PDE10A: variants seen among roughly 807,000 people sequenced by gnomAD.
PDE10A encodes the protein cAMP and cAMP-inhibited cGMP 3',5'-cyclic phosphodiesterase 10A.
A neutral mutation model predicts 97.7 loss-of-function variants in PDE10A; 39 were observed. The observed-to-expected ratio is 0.40, with a 90% CI of 0.31 to 0.52. The LOEUF (loss-of-function observed/expected upper bound fraction) is 0.52. Among genes scored for constraint, PDE10A ranks in the 20% least tolerant of loss-of-function variants. The pLI, the probability that PDE10A is intolerant of heterozygous loss-of-function variation, is 0.56. For synonymous variants in PDE10A, 371 were observed against 376.8 expected (o/e 0.98, Z 0.18); for missense variants, 731 against 1,047.8 (o/e 0.70, Z 4.17).
chr6:165,688,181 A>G (rs1791174289), intron 1 of PDE10A, among the ~76,000 whole-genome samples: 1 of 152,176 alleles, frequency 6.6e-6, no homozygotes, highest in Non-Finnish European at 1.5e-5. Context: ...CTCCTCCTAT[A>G]ATGATACAGT....
intron 1 of PDE10A, among the ~76,000 whole-genome samples, chr6:165,951,497 G>A (rs971615354): frequency 2.6e-5 from 4 of 152,118 alleles, no homozygotes; most frequent in South Asian, 2.1e-4. Context: ...CCTACCAACC[G>A]TCAATTGCCC....
At chr6:165,339,162 A>G (rs1320538870) in intron 20 of PDE10A, 116 bp downstream of exon 20, 3 of 761,228 alleles carry the variant, frequency 3.9e-6, no homozygotes, top group Non-Finnish European at 7.2e-6. Context: ...ATCTGCCTGG[A>G]ATAACCCATT....
chr6:165,855,702 G>T (rs911642686), intron 1 of PDE10A, among the ~76,000 whole-genome samples: 2 of 151,984 alleles, frequency 1.3e-5, no homozygotes, highest in Non-Finnish European at 2.9e-5. Context: ...TTAAGTGGTG[G>T]CCATGAACAC....
chr6:165,526,125 G>A (rs947327668), intron 2 of PDE10A, among the ~76,000 whole-genome samples: 16 of 152,190 alleles, frequency 1.1e-4, no homozygotes, highest in Middle Eastern at 3.4e-3. Flanking sequence ...GGAGACCTCC[G>A]GCCTTTTACC....
intron 1 of PDE10A, among the ~76,000 whole-genome samples, chr6:165,915,700 T>A (rs1782587514): frequency 6.6e-6 from 1 of 152,212 alleles, no homozygotes; most frequent in South Asian, 2.1e-4. Flanking sequence ...GGCCGTGTCA[T>A]TTGACCTTGG....
At position 165,586,386 on chromosome 6, in the gene PDE10A, C is replaced by A. The variant is rs535788625; in HGVS notation, c.866-42818G>T. Among the ~76,000 whole-genome samples, 30 of 152,272 alleles carry A rather than the reference C, an allele frequency of 2.0e-4. 2 individuals carry two copies. The South Asian group carries it at 6.0e-3, about 31-fold the overall frequency. On this transcript the variant is annotated intron_variant, in intron 1 of 21. Transcript: ENST00000539869. ...TTAAAATTGAATTCTTATTCAGACA[C>A]CAATAGTTAAGATGTCCTCCCTCCC... is the stretch of plus-strand genomic sequence containing the variant.
intron 1 of PDE10A, among the ~76,000 whole-genome samples, chr6:165,958,500 A>T (rs1360861895): frequency 1.5e-4 from 1 of 6,664 alleles, no homozygotes; most frequent in East Asian, 0.014. Context: ...GAGAAAGACA[A>T]GAAAGAAAGA....
At chr6:165,375,509 A>G (rs982040452) in intron 18 of PDE10A, among the ~76,000 whole-genome samples, 1 of 152,238 alleles carries the variant, frequency 6.6e-6, no homozygotes, top group African/African-American at 2.4e-5. Context: ...AGAGGTTTAA[A>G]GCAAGGTAAA....
chr6:165,387,770 T>C (rs1398513026), intron 17 of PDE10A, among the ~76,000 whole-genome samples: 7 of 152,200 alleles, frequency 4.6e-5, no homozygotes, highest in Admixed American at 2.6e-4. Context: ...CTTGATAAGA[T>C]GAGTTTGAGA....
intron 2 of PDE10A, among the ~76,000 whole-genome samples, chr6:165,516,793 A>T (rs1248177082): frequency 1.3e-5 from 2 of 152,172 alleles, no homozygotes; most frequent in Non-Finnish European, 2.9e-5. Context: ...TACATACATA[A>T]TTACTCCCTT....
chr6:165,679,528 C>T (rs1444009885), intron 1 of PDE10A, among the ~76,000 whole-genome samples: 1 of 152,200 alleles, frequency 6.6e-6, no homozygotes, highest in Non-Finnish European at 1.5e-5. Context: ...GACAGGCCTC[C>T]TGGAGAGGCT....
intron 1 of PDE10A, among the ~76,000 whole-genome samples, chr6:165,834,245 G>A (rs1027609843): frequency 6.6e-6 from 1 of 152,210 alleles, no homozygotes; most frequent in African/African-American, 2.4e-5. Flanking sequence ...AATGCAGTGG[G>A]ACTCACCAGA....
intron 1 of PDE10A, among the ~76,000 whole-genome samples, chr6:165,690,731 G>T (rs1791248732): frequency 6.6e-6 from 1 of 152,216 alleles, no homozygotes; most frequent in South Asian, 2.1e-4. Flanking sequence ...CTCTTACCAG[G>T]TGCTTCTGTT....
intron 1 of PDE10A, among the ~76,000 whole-genome samples, chr6:165,728,458 AAT>A (rs1379526258): frequency 2.6e-5 from 4 of 152,222 alleles, no homozygotes; most frequent in African/African-American, 9.6e-5. Flanking sequence ...TGCCAGAAAT[AAT>A]ACACATTTTG....
At chr6:165,425,909 A>G (rs1789116129) in intron 10 of PDE10A, among the ~76,000 whole-genome samples, 1 of 151,984 alleles carries the variant, frequency 6.6e-6, no homozygotes, top group African/African-American at 2.4e-5. Context: ...GTTTCTACAC[A>G]TTTGCAGTAT....
chr6:165,475,953 TC>T (rs1429287911), intron 3 of PDE10A, among the ~76,000 whole-genome samples: 3 of 152,104 alleles, frequency 2.0e-5, no homozygotes, highest in Admixed American at 2.0e-4. Context: ...TCCTCGGGGT[TC>T]CCCTCAGTCA....
At chr6:165,763,054 G>A (rs988125059) in intron 1 of PDE10A, among the ~76,000 whole-genome samples, 3 of 152,258 alleles carry the variant, frequency 2.0e-5, no homozygotes, top group Non-Finnish European at 2.9e-5. Flanking sequence ...GGGCAGAATT[G>A]TGTGATTCAC....
intron 1 of PDE10A, among the ~76,000 whole-genome samples, chr6:165,574,604 T>C (rs552941228): frequency 6.6e-6 from 1 of 152,354 alleles, no homozygotes; most frequent in African/African-American, 2.4e-5. Flanking sequence ...ACTTGCTACT[T>C]GAAAACTAAT....
intron 3 of PDE10A, among the ~76,000 whole-genome samples, chr6:165,453,500 A>G (rs1777760639): frequency 6.6e-6 from 1 of 152,216 alleles, no homozygotes; most frequent in East Asian, 1.9e-4. Context: ...CCTTGAGGGC[A>G]AGGTTTCCAG....
Sources: gnomAD v4.1 joint callset for allele counts (sites outside exome capture counted in the v4.1 genomes callset) on GRCh38, gnomAD v4.1.1 for gene constraint, MANE v1.5 for transcripts, NCBI Gene and HGNC (gene_info 2026-07-23, HGNC 2026-07-21) for gene names.